The following MCRS1 variants were observed in gnomAD, a reference collection of about 807,000 sequenced individuals.
MCRS1 encodes the protein microspherule protein 1.
A neutral mutation model predicts 62.9 loss-of-function variants in MCRS1; 22 were observed. That is an observed-to-expected ratio of 0.35 (90% CI 0.25 to 0.50). The LOEUF is 0.50. MCRS1 is among the 20% of genes least tolerant of loss of function. The pLI, the probability that MCRS1 is intolerant of heterozygous loss-of-function variation, is 0.98. For synonymous variants in MCRS1, 244 were observed against 233.5 expected (o/e 1.04, Z -0.41); for missense variants, 456 against 601.1 (o/e 0.76, Z 2.52).
At chr12:49,560,048 C>T (rs1250696868) in intron 9 of MCRS1, 81 bp from the exon 10 acceptor site, 3 of 1,569,532 alleles carry the variant, frequency 1.9e-6, no homozygotes, top group Non-Finnish European at 2.6e-6. Flanking sequence ...TCCCTGAGCC[C>T]CTTTAGCCAA....
chr12:49,564,129 A>T (rs1291885553), intron 6 of MCRS1, among the ~76,000 whole-genome samples: 1 of 152,154 alleles, frequency 6.6e-6, no homozygotes, highest in Non-Finnish European at 1.5e-5. Flanking sequence ...AAACTGTAGG[A>T]GGTCAATGTG....
Position 49,559,727 on chromosome 12 carries a change from A to G in MCRS1, c.1003+2T>C. ...AGCCTTCTGGTGCCCAGGCCTCCTC[A>G]CCTGTGATGCTGTCCACTAGCACCT... On this transcript the variant is annotated splice_donor_variant, in intron 11 of 14. Transcript: ENST00000343810. LOFTEE classifies it high-confidence loss of function. The surrounding 1 kb of genome is among the most constrained non-coding windows in gnomAD (Gnocchi z 5.2). 6.2e-7 allele frequency: 1 copy of G among 1,614,070 alleles called. No individual in the cohort carries two copies. The highest frequency in any genetic ancestry group is 8.5e-7 in the Non-Finnish European group (1 of 1,179,998).
chr12:49,561,878 A>G (rs772167863), intron 8 of MCRS1, among the ~76,000 whole-genome samples: 1 of 152,028 alleles, frequency 6.6e-6, no homozygotes, highest in Non-Finnish European at 1.5e-5. Context: ...TCGGCCTCCC[A>G]AAGTGCTGGG....
intron 2 of MCRS1, 75 bp downstream of exon 2, chr12:49,566,647 C>A: frequency 1.2e-6 from 2 of 1,604,302 alleles, no homozygotes; most frequent in Non-Finnish European, 1.7e-6. Context: ...GAAAGACACA[C>A]GTGCCAGGCA....
At position 49,564,817 on chromosome 12, in the gene MCRS1, T is replaced by C. The variant is rs1938966635; in HGVS notation, c.367A>G (p.Lys123Glu). The change falls in exon 5 of 15, where the codon AAA (lysine) becomes GAA (glutamate). Residue 123 changes from lysine (K) to glutamate (E), a missense_variant. Physicochemically the swap from Lys to Glu is moderately conservative, Grantham distance 56. This residue lies in a region of MCRS1 where 393 missense variants were observed against 523.5 expected (regional missense o/e 0.75). Coordinates refer to ENST00000343810, the MANE Select transcript of MCRS1 (RefSeq NM_006337.5). Reference protein sequence around the residue: ...PGLTKRVKKSKQPLQVTKDLG... With the variant: ...PGLTKRVKKSEQPLQVTKDLG... The stretch of plus-strand genomic sequence containing the variant: ...TCCTTGGTCACCTGAAGTGGCTGTT[T>C]ACTCTTCTTCACACGCTTGGTGAGT... 2 of 1,614,152 alleles carry C rather than the reference T, an allele frequency of 1.2e-6. No individual in the cohort carries two copies. Among genetic ancestry groups the C allele is most frequent in the East Asian group, 4.5e-5 (2 of 44,882 alleles).
In MCRS1 at chr12:49,558,355, G is replaced by A. The variant is rs1431536797; in HGVS notation, c.*288C>T. On this transcript the variant is annotated 3_prime_UTR_variant, in exon 15 of 15. Coordinates refer to ENST00000343810, the MANE Select transcript of MCRS1 (RefSeq NM_006337.5). ...AAGAAAAACAATAAAAGAAGAGTCT[G>A]AGGCTAATCAGCTGGAGACACAGGA... 2.2e-6 allele frequency: 1 copy of A among 448,180 alleles called. No individual in the cohort carries two copies. Among genetic ancestry groups the A allele is most frequent in the Non-Finnish European group, 3.9e-6 (1 of 255,430 alleles). The allele number at this position is 448,180 out of a possible 1,614,324, so 27.8% of individuals were successfully genotyped here. A position where few individuals can be genotyped will look rare whatever the true frequency, so the allele number is the denominator to read the frequency against.
rs372192833 is a variant in MCRS1, at chr12:49,559,503, G to A, written c.1036C>T (p.Leu346=). 4 of 1,612,292 alleles carry A rather than the reference G, an allele frequency of 2.5e-6. No individual in the cohort carries two copies. The highest frequency in any genetic ancestry group is 2.7e-5 in the African/African-American group (2 of 74,946). The change falls in exon 12 of 15, where the codon CTG becomes TTG. Residue 346 remains leucine (L), a synonymous_variant. Transcript: ENST00000343810. This position sits in a 1 kb window ranked among gnomAD's most constrained non-coding sequence, Gnocchi z 5.2. ...MSSPDFDNQT[L]AVLRGRMVRY... is the part of the protein sequence containing the mutation. Reference sequence around the variant, plus strand: ...ACCATGCGGCCCCGCAGCACTGCCAGTGTCTGGTTGTCGAAGTCCGGAGAG... The same window carrying A: ...ACCATGCGGCCCCGCAGCACTGCCAATGTCTGGTTGTCGAAGTCCGGAGAG...
rs1938878466 is a variant in MCRS1 at position 49,563,376 on chromosome 12, T to C, written c.666+62A>G. 3.3e-6 allele frequency: 5 copies of C among 1,509,724 alleles called. No homozygotes were observed. The Admixed American group carries it at 8.9e-5, about 27-fold the overall frequency. 93.5% of individuals were successfully genotyped at this position (1,509,724 alleles called of 1,614,324 possible). A position where few individuals can be genotyped will look rare whatever the true frequency, so the allele number is the denominator to read the frequency against. ...GTGGGGAGCTCTCCACATCAGTGGTTTTCTAGGTGGTCCAGCTCTCGCTGT... is the reference window on the plus strand; with the variant it reads ...GTGGGGAGCTCTCCACATCAGTGGTCTTCTAGGTGGTCCAGCTCTCGCTGT... On this transcript the variant is annotated intron_variant, in intron 7 of 14. Transcript: ENST00000343810.
chr12:49,567,054 T>G (rs2138206668), intron 1 of MCRS1, among the ~76,000 whole-genome samples: 1 of 152,342 alleles, frequency 6.6e-6, no homozygotes, highest in Middle Eastern at 3.4e-3. Flanking sequence ...AGCTATGGAC[T>G]GCAGAAAAGG....
rs532478324 is a variant in MCRS1 at position 49,559,927 on chromosome 12, G to C, written c.910+12C>G. On this transcript the variant is annotated intron_variant, in intron 10 of 14. Transcript: ENST00000343810. The surrounding 1 kb of genome is among the most constrained non-coding windows in gnomAD (Gnocchi z 5.2). The stretch of plus-strand genomic sequence containing the variant: ...CTTCCATCCCCTCACCACCCCATGA[G>C]GCCATACTTACCATGTTCCAGGACC... 1.9e-6 allele frequency: 3 copies of C among 1,614,074 alleles called. No individual in the cohort carries two copies. The highest frequency in any genetic ancestry group is 2.5e-6 in the Non-Finnish European group (3 of 1,180,046).
At chr12:49,563,287 G>A (rs1938871645) in intron 7 of MCRS1, 148 bp from the exon 8 acceptor site, 1 of 1,400,024 alleles carries the variant, frequency 7.1e-7, no homozygotes, top group South Asian at 1.3e-5. Flanking sequence ...TCTTCCTGAG[G>A]CCCCTGTCAC....
chr12:49,567,993 C>T (rs1939153061), intron 1 of MCRS1, 55 bp downstream of exon 1: 1 of 152,202 alleles, frequency 6.6e-6, no homozygotes, highest in African/African-American at 2.4e-5. Flanking sequence ...CTGCAAAACT[C>T]CATTTCATCC....
At chr12:49,563,261 A>G (rs1250999760) in intron 7 of MCRS1, 122 bp from the exon 8 acceptor site, 8 of 1,475,068 alleles carry the variant, frequency 5.4e-6, no homozygotes, top group African/African-American at 4.2e-5. Context: ...TAGTCACCCA[A>G]GAAGTCAGGC....
At chr12:49,564,652 C>T in intron 5 of MCRS1, 62 bp from the exon 6 acceptor site, 2 of 1,608,078 alleles carry the variant, frequency 1.2e-6, no homozygotes, top group South Asian at 2.2e-5. Context: ...TCTTTGCCAC[C>T]CACAGGGCCC....
chr12:49,562,921 G>A (rs1938845356), intron 8 of MCRS1, 80 bp downstream of exon 8: 1 of 1,481,138 alleles, frequency 6.8e-7, no homozygotes, highest in Non-Finnish European at 9.0e-7. Context: ...GGCACTTGAA[G>A]GCAGCTGTGT....
intron 6 of MCRS1, 119 bp from the exon 7 acceptor site, chr12:49,563,665 T>C: frequency 1.4e-6 from 1 of 706,032 alleles, no homozygotes; most frequent in Non-Finnish European, 2.4e-6. Context: ...GGCCAGGCCC[T>C]CATTAGGAAG....
At chr12:49,566,311 T>C (rs905753069) in intron 2 of MCRS1, 96 bp from the exon 3 acceptor site, 23 of 1,564,748 alleles carry the variant, frequency 1.5e-5, no homozygotes, top group Non-Finnish European at 1.8e-5. Flanking sequence ...CCAGCCCTCT[T>C]GGCCCCTCCC....
chr12:49,567,699 G>C (rs1030087657), intron 1 of MCRS1: 1 of 152,178 alleles, frequency 6.6e-6, no homozygotes, highest in African/African-American at 2.4e-5. Flanking sequence ...GTAGGGGATC[G>C]GTCCAGGTCT....
At position 49,558,527 on chromosome 12, in the gene MCRS1, C is replaced by T. The variant is rs1269108885; in HGVS notation, c.*116G>A. 22 of 1,046,854 alleles carry T rather than the reference C, an allele frequency of 2.1e-5. No individual in the cohort carries two copies. Among genetic ancestry groups the T allele is most frequent in the South Asian group, 7.6e-5 (5 of 66,142 alleles). The allele number at this position is 1,046,854 out of a possible 1,614,324, so 64.8% of individuals were successfully genotyped here. On this transcript the variant is annotated 3_prime_UTR_variant, in exon 15 of 15. Coordinates refer to ENST00000343810, the MANE Select transcript of MCRS1 (RefSeq NM_006337.5). ...CCCTCAAAGGCTCAAATCAATGGCC[C>T]GCAGCTGAGCCTCCCACTGCCCAGG...
Sources: gnomAD v4.1 joint callset for allele counts (sites outside exome capture counted in the v4.1 genomes callset) on GRCh38, gnomAD v4.1.1 for gene constraint, gnomAD v4.1.1 regional missense constraint, Gnocchi (gnomAD v3.1) non-coding constraint, MANE v1.5 for transcripts, NCBI Gene and HGNC (gene_info 2026-07-23, HGNC 2026-07-21) for gene names.